Variants in PABPC4L observed in about 807,000 individuals in gnomAD.
PABPC4L encodes the protein polyadenylate-binding protein 4-like.
For missense variants in PABPC4L, 452 were observed against 451.4 expected, an observed-to-expected ratio of 1.00 and a Z score of -0.01; for synonymous variants, 169 against 164.1, an observed-to-expected ratio of 1.03 and a Z score of -0.23.
the PABPC4L span, among the ~76,000 whole-genome samples, chr4:133,972,207 T>G: frequency 6.6e-6 from 1 of 152,220 alleles, no homozygotes. Context: ...GTATGTATTT[T>G]AATGAACCCA....
the PABPC4L span, among the ~76,000 whole-genome samples, chr4:134,011,614 C>T: frequency 1.7e-3 from 256 of 152,040 alleles, no homozygotes; most frequent in African/African-American, 5.5e-3. Context: ...ATTATGAATA[C>T]GATTATTTTA....
chr4:133,962,387 G>A, the PABPC4L span, among the ~76,000 whole-genome samples: 1 of 152,156 alleles, frequency 6.6e-6, no homozygotes, highest in African/African-American at 2.4e-5. Context: ...AAAAAACAAT[G>A]CAAGAAGTGA....
chr4:134,087,875 T>C, the PABPC4L span, among the ~76,000 whole-genome samples: 1 of 152,108 alleles, frequency 6.6e-6, no homozygotes. Context: ...TCTATGGCAA[T>C]GGGACATACA....
At chr4:134,163,865 T>C in the PABPC4L span, among the ~76,000 whole-genome samples, 1 of 152,134 alleles carries the variant, frequency 6.6e-6, no homozygotes, top group Non-Finnish European at 1.5e-5. Flanking sequence ...TGTCATGTAG[T>C]ACACACCCAC....
the PABPC4L span, among the ~76,000 whole-genome samples, chr4:134,111,701 T>C: frequency 6.6e-6 from 1 of 151,942 alleles, no homozygotes; most frequent in Non-Finnish European, 1.5e-5. Context: ...TGAGATCCGA[T>C]GGGTTTATCA....
the PABPC4L span, among the ~76,000 whole-genome samples, chr4:134,112,569 A>ACGAT: frequency 1.8e-4 from 27 of 147,946 alleles, no homozygotes; most frequent in East Asian, 8.1e-4. Flanking sequence ...GCTCCACGTA[A>ACGAT]CTATCTATCT....
chr4:134,025,392 A>G, the PABPC4L span, among the ~76,000 whole-genome samples: 1 of 151,078 alleles, frequency 6.6e-6, no homozygotes, highest in Non-Finnish European at 1.5e-5. Flanking sequence ...GCTTTTGAAT[A>G]TTTCTTCTTC....
chr4:134,073,676 G>T, the PABPC4L span, among the ~76,000 whole-genome samples: 1 of 152,186 alleles, frequency 6.6e-6, no homozygotes, highest in Non-Finnish European at 1.5e-5. Context: ...TCCTGCAACA[G>T]ACTTCTGCCT....
chr4:134,024,453 T>TGG, the PABPC4L span, among the ~76,000 whole-genome samples: 1 of 152,168 alleles, frequency 6.6e-6, no homozygotes, highest in African/African-American at 2.4e-5. Flanking sequence ...GACCTGCAGA[T>TGG]GGCCACCTTC....
chr4:134,148,067 T>C, the PABPC4L span, among the ~76,000 whole-genome samples: 1 of 152,050 alleles, frequency 6.6e-6, no homozygotes, highest in Non-Finnish European at 1.5e-5. Context: ...GTGAATTCCA[T>C]AACCCATTCA....
At chr4:133,968,479 A>G in the PABPC4L span, among the ~76,000 whole-genome samples, 1 of 152,204 alleles carries the variant, frequency 6.6e-6, no homozygotes, top group Non-Finnish European at 1.5e-5. Flanking sequence ...TGAATAACAC[A>G]AACATTACTG....
At chr4:134,129,955 G>T in the PABPC4L span, among the ~76,000 whole-genome samples, 4 of 150,964 alleles carry the variant, frequency 2.6e-5, no homozygotes, top group African/African-American at 9.7e-5. Context: ...ATCCTAGCTA[G>T]TCAGGAGGCT....
At chr4:134,103,012 G>T in the PABPC4L span, among the ~76,000 whole-genome samples, 1 of 151,364 alleles carries the variant, frequency 6.6e-6, no homozygotes, top group South Asian at 2.1e-4. Context: ...ATTACATGTG[G>T]AAGGTTCAGA....
At chr4:134,172,088 A>G in the PABPC4L span, among the ~76,000 whole-genome samples, 1 of 152,166 alleles carries the variant, frequency 6.6e-6, no homozygotes, top group Non-Finnish European at 1.5e-5. Flanking sequence ...TAATGGCCAT[A>G]TTACCCAAAG....
At chr4:134,086,840 T>C in the PABPC4L span, among the ~76,000 whole-genome samples, 1 of 151,882 alleles carries the variant, frequency 6.6e-6, no homozygotes, top group East Asian at 1.9e-4. Flanking sequence ...TTAGGGTACA[T>C]GTGCACATTG....
the PABPC4L span, among the ~76,000 whole-genome samples, chr4:133,988,397 T>C: frequency 6.6e-6 from 1 of 152,132 alleles, no homozygotes; most frequent in South Asian, 2.1e-4. Flanking sequence ...AGGTATTGGG[T>C]AAATACATCC....
the PABPC4L span, among the ~76,000 whole-genome samples, chr4:134,131,855 T>C: frequency 1.3e-5 from 2 of 151,852 alleles, no homozygotes; most frequent in Admixed American, 1.3e-4. Flanking sequence ...ATAATACTGT[T>C]GTACAAATAG....
At chr4:133,954,988 T>A in the PABPC4L span, among the ~76,000 whole-genome samples, 1 of 152,118 alleles carries the variant, frequency 6.6e-6, no homozygotes, top group Admixed American at 6.5e-5. Context: ...TTTTTTCCTA[T>A]GCCCAACAAT....
At chr4:134,011,228 A>G in the PABPC4L span, among the ~76,000 whole-genome samples, 2 of 152,110 alleles carry the variant, frequency 1.3e-5, no homozygotes, top group African/African-American at 4.8e-5. Context: ...CTTTACACTG[A>G]TTTCCAAAAT....
Sources: gnomAD v4.1 joint callset for allele counts (sites outside exome capture counted in the v4.1 genomes callset) on GRCh38, gnomAD v4.1.1 for gene constraint, MANE v1.5 for transcripts, NCBI Gene and HGNC (gene_info 2026-07-23, HGNC 2026-07-21) for gene names.